ZDHHC13: variants seen among roughly 807,000 people sequenced by gnomAD.
The protein encoded by ZDHHC13 is palmitoyltransferase ZDHHC13.
In ZDHHC13, 85 loss-of-function variants were observed where a neutral mutation model predicts 86.0. That is an observed-to-expected ratio of 0.99 (90% CI 0.83 to 1.18). The LOEUF is 1.18. Among genes scored for constraint, ZDHHC13 ranks in the 50% most tolerant of loss-of-function variants. ZDHHC13 has a pLI of 0.00. For missense variants in ZDHHC13, 711 were observed against 730.2 expected, an observed-to-expected ratio of 0.97 and a Z score of 0.30; for synonymous variants, 263 against 246.4, an observed-to-expected ratio of 1.07 and a Z score of -0.63.
At chr11:19,126,181 A>C (rs1387365345) in intron 1 of ZDHHC13, among the ~76,000 whole-genome samples, 2 of 151,874 alleles carry the variant, frequency 1.3e-5, no homozygotes, top group African/African-American at 4.8e-5. Context: ...ATATACACAA[A>C]CTTATGTCAT....
intron 7 of ZDHHC13, 60 bp from the exon 8 acceptor site, chr11:19,152,499 G>T: frequency 6.7e-7 from 1 of 1,495,136 alleles, no homozygotes; most frequent in African/African-American, 1.4e-5. Context: ...TTTAAAAAAA[G>T]TTTAGCACTC....
chr11:19,173,525 T>C (rs183761556), intron 16 of ZDHHC13, among the ~76,000 whole-genome samples: 44 of 152,214 alleles, frequency 2.9e-4, no homozygotes, highest in Admixed American at 7.2e-4. Context: ...TCATGAGCAG[T>C]CTATTTTAAA....
At chr11:19,141,377 C>G (rs1849315998) in intron 1 of ZDHHC13, among the ~76,000 whole-genome samples, 1 of 152,124 alleles carries the variant, frequency 6.6e-6, no homozygotes, top group African/African-American at 2.4e-5. Context: ...TTGATCATCC[C>G]ACATCTTTAG....
At chr11:19,128,958 T>C (rs1393866490) in intron 1 of ZDHHC13, among the ~76,000 whole-genome samples, 1 of 152,232 alleles carries the variant, frequency 6.6e-6, no homozygotes, top group Non-Finnish European at 1.5e-5. Flanking sequence ...TGCCCAGGTC[T>C]GTGTAAATAC....
intron 1 of ZDHHC13, among the ~76,000 whole-genome samples, chr11:19,130,671 AT>A (rs1291389746): frequency 6.6e-6 from 1 of 152,034 alleles, no homozygotes; most frequent in African/African-American, 2.4e-5. Context: ...TTTTTTGGTA[AT>A]ATAAGCATTT....
rs79975959 is a variant in ZDHHC13, at chr11:19,142,561, T to C, written c.28-417T>C. On this transcript the variant is annotated intron_variant, in intron 1 of 16. Transcript: ENST00000446113. ...AAAAGTAGAGGCCTGGCAAACTTCT[T>C]ACCAAGTCAGTAGCAATGGTCCTCT... Among the ~76,000 whole-genome samples the C allele has an allele frequency of 5.2e-3, 789 of 152,308 alleles. 29 individuals are homozygous for C. In the East Asian group the frequency reaches 0.087, roughly 17 times the overall value.
chr11:19,164,991 T>G (rs1190734309), intron 12 of ZDHHC13, 61 bp from the exon 13 acceptor site: 1 of 1,473,146 alleles, frequency 6.8e-7, no homozygotes, highest in Non-Finnish European at 9.4e-7. Context: ...ATTTTGCTTG[T>G]GATTTGTTAC....
intron 1 of ZDHHC13, among the ~76,000 whole-genome samples, chr11:19,131,791 G>C (rs1413626317): frequency 6.6e-6 from 1 of 152,046 alleles, no homozygotes; most frequent in African/African-American, 2.4e-5. Context: ...GGGCCACCAT[G>C]CCCAGCTAAT....
intron 15 of ZDHHC13, among the ~76,000 whole-genome samples, chr11:19,172,229 C>T (rs530959844): frequency 7.9e-5 from 12 of 152,186 alleles, no homozygotes; most frequent in East Asian, 1.9e-4. Context: ...CCCACCACTA[C>T]GCCCAGCTAA....
Position 19,166,295 on chromosome 11 carries a change from T to C in ZDHHC13, c.1391-7T>C. The C allele has an allele frequency of 6.2e-7, 1 of 1,602,674 alleles. No individual in the cohort carries two copies. The highest frequency in any genetic ancestry group is 8.5e-7 in the Non-Finnish European group (1 of 1,176,824). On this transcript the variant is annotated splice_polypyrimidine_tract_variant and splice_region_variant and intron_variant, in intron 13 of 16. Coordinates refer to ENST00000446113, the MANE Select transcript of ZDHHC13 (RefSeq NM_019028.3). ...TATTAAGTATGTTTTTTTTCTTTTTTCTTGAGGTTTTGGCAACCATCACTA... is the reference window on the plus strand; with the variant it reads ...TATTAAGTATGTTTTTTTTCTTTTTCCTTGAGGTTTTGGCAACCATCACTA...
At chr11:19,157,636 A>T (rs967321566) in intron 9 of ZDHHC13, among the ~76,000 whole-genome samples, 1 of 152,210 alleles carries the variant, frequency 6.6e-6, no homozygotes, top group African/African-American at 2.4e-5. Flanking sequence ...CTCTAAATAA[A>T]TTTTAAGCCA....
chr11:19,136,713 C>A (rs1192952775), intron 1 of ZDHHC13, among the ~76,000 whole-genome samples: 2 of 152,060 alleles, frequency 1.3e-5, no homozygotes, highest in Non-Finnish European at 2.9e-5. Context: ...AGACTAACAG[C>A]AGATCTCTCG....
chr11:19,119,830 A>G (rs1447942748), intron 1 of ZDHHC13, among the ~76,000 whole-genome samples: 1 of 152,222 alleles, frequency 6.6e-6, no homozygotes, highest in Non-Finnish European at 1.5e-5. Flanking sequence ...ATACTTGTCA[A>G]TGAATGAACT....
intron 10 of ZDHHC13, among the ~76,000 whole-genome samples, chr11:19,162,596 C>T (rs1164702315): frequency 6.6e-6 from 1 of 152,096 alleles, no homozygotes; most frequent in Non-Finnish European, 1.5e-5. Flanking sequence ...GGAGTGTCTT[C>T]AGCTTCTATG....
intron 1 of ZDHHC13, among the ~76,000 whole-genome samples, chr11:19,138,175 T>C (rs1849200878): frequency 6.6e-6 from 1 of 150,464 alleles, no homozygotes. Flanking sequence ...GCAAGACTAA[T>C]AAAGAAAAAA....
rs769807189 is a variant in ZDHHC13 at position 19,149,218 on chromosome 11, C to A, written c.406C>A (p.Leu136Ile). Residue 136 changes from leucine (L) to isoleucine (I), a missense_variant, in exon 5 of 17, where the codon CTC becomes ATC. Transcript: ENST00000446113. ...QGHLPMVILL[L>I]QHGADPTLID... is the part of the protein sequence containing the mutation. ...ACATTTACCTATGGTCATATTATTA[C>A]TCCAGCATGGTGCAGACCCCACTCT... 2 of 1,600,918 alleles carry A rather than the reference C, an allele frequency of 1.2e-6. No homozygotes were observed. The highest frequency in any genetic ancestry group is 2.7e-5 in the African/African-American group (2 of 74,728).
chr11:19,148,869 G>A (rs148733458), intron 4 of ZDHHC13: 63 of 178,038 alleles, frequency 3.5e-4, no homozygotes, highest in African/African-American at 1.2e-3. Flanking sequence ...CAGGAGAACC[G>A]CTTGAACCTG....
chr11:19,147,639 G>T lies in ZDHHC13; in HGVS notation c.340G>T (p.Asp114Tyr). 6.2e-7 allele frequency: 1 copy of T among 1,602,864 alleles called. No individual in the cohort carries two copies. The highest frequency in any genetic ancestry group is 8.5e-7 in the Non-Finnish European group (1 of 1,174,122). The change falls in exon 4 of 17, where the codon GAT becomes TAT. Residue 114 changes from aspartate to tyrosine, a missense_variant. Asp to Tyr is a radical substitution (Grantham distance 160). Coordinates refer to ENST00000446113, the MANE Select transcript of ZDHHC13 (RefSeq NM_019028.3). ...TGCTGTTGTAGATCAGTTGGGTGGA[G>T]ATTTAAATTCAACTCCTCTTCACTG... is the stretch of plus-strand genomic sequence containing the variant. ...KGAVVDQLGG[D>Y]LNSTPLHWAI...
intron 1 of ZDHHC13, among the ~76,000 whole-genome samples, chr11:19,128,374 T>G (rs144777661): frequency 2.0e-5 from 3 of 152,292 alleles, no homozygotes; most frequent in Non-Finnish European, 4.4e-5. Context: ...TTTCTAGATA[T>G]AGAATCATGT....
Sources: gnomAD v4.1 joint callset for allele counts (sites outside exome capture counted in the v4.1 genomes callset) on GRCh38, gnomAD v4.1.1 for gene constraint, MANE v1.5 for transcripts, NCBI Gene and HGNC (gene_info 2026-07-23, HGNC 2026-07-21) for gene names.